The following NR1D2 variants were observed in gnomAD, a reference collection of about 807,000 sequenced individuals.
NR1D2 encodes the protein nuclear receptor subfamily 1 group D member 2, also known as V-erbA-related protein 1-related.
In NR1D2, 25 loss-of-function variants were observed where a neutral mutation model predicts 52.2. That is an observed-to-expected ratio of 0.48 (90% CI 0.35 to 0.67). The LOEUF (loss-of-function observed/expected upper bound fraction) is 0.67, where lower values mean the gene tolerates loss of function less well. Ranked by LOEUF, NR1D2 falls within the 30% of genes least tolerant of loss-of-function variation. NR1D2 has a pLI of 0.01. For missense variants in NR1D2, 681 were observed against 707.2 expected (o/e 0.96, Z 0.42); for synonymous variants, 259 against 230.1 (o/e 1.13, Z -1.14).
chr3:23,947,816 A>G (rs1195144129), intron 1 of NR1D2, among the ~76,000 whole-genome samples: 2 of 152,272 alleles, frequency 1.3e-5, no homozygotes, highest in Admixed American at 6.5e-5. Flanking sequence ...CAGGAGGTCT[A>G]ATAAGAATTG....
Position 23,977,381 on chromosome 3 carries a change from C to G in NR1D2, c.1702C>G (p.His568Asp). 1 of 1,610,326 alleles carries G rather than the reference C, an allele frequency of 6.2e-7. No individual in the cohort carries two copies. Among genetic ancestry groups the G allele is most frequent in the Non-Finnish European group, 8.5e-7 (1 of 1,178,596 alleles). The change falls in exon 8 of 8, where the codon CAC becomes GAC. Residue 568 changes from histidine to aspartate, a missense_variant. His to Asp is a moderately conservative substitution (Grantham distance 81, BLOSUM62 -1). Coordinates refer to ENST00000312521, the MANE Select transcript of NR1D2 (RefSeq NM_005126.5). ...AGATCTTCGATCTTTAAACAACATG[C>G]ACTCTGAGGAGCTCTTGGCCTTTAA... Reference protein sequence around the residue: ...LPDLRSLNNMHSEELLAFKVH... With the variant: ...LPDLRSLNNMDSEELLAFKVH...
At chr3:23,949,000 C>T (rs1414904169) in intron 1 of NR1D2, among the ~76,000 whole-genome samples, 1 of 152,180 alleles carries the variant, frequency 6.6e-6, no homozygotes, top group African/African-American at 2.4e-5. Context: ...TATTTCCAGA[C>T]ATTAGATTAC....
chr3:23,977,546 C>T lies in NR1D2; in HGVS notation c.*127C>T, dbSNP rs988573561. 1.8e-6 allele frequency: 1 copy of T among 570,304 alleles called. No individual in the cohort carries two copies. The highest frequency in any genetic ancestry group is 2.9e-6 in the Non-Finnish European group (1 of 348,094). 35.3% of individuals were successfully genotyped at this position (570,304 alleles called of 1,614,324 possible). A position where few individuals can be genotyped will look rare whatever the true frequency, so the allele number is the denominator to read the frequency against. On this transcript the variant is annotated 3_prime_UTR_variant, in exon 8 of 8. Coordinates refer to ENST00000312521, the MANE Select transcript of NR1D2 (RefSeq NM_005126.5). ...AAGACAATAAAAGATTGTAGGCTATCTCTGTAATCATGCAATAGCTGTTCG... is the reference window on the plus strand; with the variant it reads ...AAGACAATAAAAGATTGTAGGCTATTTCTGTAATCATGCAATAGCTGTTCG...
In NR1D2 at chr3:23,962,076, A is replaced by C; in HGVS notation, c.617A>C (p.His206Pro). The C allele has an allele frequency of 6.2e-7, 1 of 1,614,216 alleles. No homozygotes were observed. The change falls in exon 5 of 8, where the codon CAC becomes CCC. Residue 206 changes from histidine (H) to proline (P), a missense_variant. His to Pro is a moderately conservative substitution (Grantham distance 77). Coordinates refer to ENST00000312521, the MANE Select transcript of NR1D2 (RefSeq NM_005126.5). Reference sequence around the variant, plus strand: ...ATGATGAACAGCCAGTTCAGTGGTCACTTGCAAAATGACACATTAGTAGAA... The same window carrying C: ...ATGATGAACAGCCAGTTCAGTGGTCCCTTGCAAAATGACACATTAGTAGAA... ...KTMMNSQFSG[H>P]LQNDTLVEHH...
At chr3:23,961,777 T>C (rs1706253705) in intron 4 of NR1D2, among the ~76,000 whole-genome samples, 200 bp from the exon 5 acceptor site, 1 of 152,028 alleles carries the variant, frequency 6.6e-6, no homozygotes, top group East Asian at 1.9e-4. Context: ...GGGGGGAAAA[T>C]AGAAAATTTT....
intron 6 of NR1D2, 106 bp downstream of exon 6, chr3:23,965,268 C>CTCA: frequency 1.2e-6 from 1 of 806,658 alleles, no homozygotes; most frequent in Non-Finnish European, 1.8e-6. Flanking sequence ...GAGACAGAAT[C>CTCA]CTGCTCTGTC....
At chr3:23,962,683 A>G in intron 5 of NR1D2, 78 bp downstream of exon 5, 6 of 1,353,276 alleles carry the variant, frequency 4.4e-6, no homozygotes, top group Non-Finnish European at 5.1e-6. Flanking sequence ...GAGATATGCT[A>G]ACTTGGGGGG....
At position 23,980,594 on chromosome 3, in the gene NR1D2, G is replaced by C. The variant is rs1263257432; in HGVS notation, c.*3175G>C. The C allele has an allele frequency of 6.6e-6, 1 of 151,806 alleles. No homozygotes were observed. Among genetic ancestry groups the C allele is most frequent in the African/African-American group, 2.4e-5 (1 of 41,328 alleles). 9.4% of individuals were successfully genotyped at this position (151,806 alleles called of 1,614,324 possible). A position where few individuals can be genotyped will look rare whatever the true frequency, so the allele number is the denominator to read the frequency against. On this transcript the variant is annotated 3_prime_UTR_variant, in exon 8 of 8. Transcript: ENST00000312521. ...AGAAGTAATCTGTATGTGGGGGGAG[G>C]GGATAATAAATATTTCTAACCAACT...
intron 4 of NR1D2, among the ~76,000 whole-genome samples, chr3:23,961,391 T>TTTC (rs1486528610): frequency 2.3e-5 from 2 of 88,870 alleles, no homozygotes; most frequent in East Asian, 4.5e-4. Context: ...TTTTCTTTCT[T>TTTC]TTTTTTTTTT....
rs779091271 is a variant in NR1D2, at chr3:23,962,504, G to T, written c.1045G>T (p.Ala349Ser). 4.3e-6 allele frequency: 7 copies of T among 1,614,042 alleles called. No homozygotes were observed. Among genetic ancestry groups the T allele is most frequent in the Non-Finnish European group, 5.9e-6 (7 of 1,179,934 alleles). ...ANGHCMNFSN[A>S]YTQRVCDRVP... ...TGGACATTGTATGAACTTCTCCAAT[G>T]CTTATACTCAAAGAGTATGTGATAG... Residue 349 changes from alanine (A) to serine (S), a missense_variant, in exon 5 of 8, where the codon GCT becomes TCT. By Grantham distance (99) the Ala-to-Ser change is moderately conservative. Around this residue, in one of 3 missense-constraint regions of NR1D2, gnomAD observed 475 missense variants for 454.5 expected, o/e 1.05. Coordinates refer to ENST00000312521, the MANE Select transcript of NR1D2 (RefSeq NM_005126.5).
chr3:23,964,853 G>A, intron 5 of NR1D2, 124 bp from the exon 6 acceptor site: 1 of 651,178 alleles, frequency 1.5e-6, no homozygotes, highest in Non-Finnish European at 2.6e-6. Context: ...TAATATCTCA[G>A]TAGATTTTAC....
In NR1D2 at chr3:23,967,831, G is replaced by A. The variant is rs78292562; in HGVS notation, c.1351G>A (p.Ala451Thr). 4.0e-4 allele frequency: 640 copies of A among 1,613,302 alleles called. 4 individuals carry two copies. The East Asian group carries it at 0.012, about 30-fold the overall frequency. Reference sequence around the variant, plus strand: ...TTTCCAGGTTTTAATGGTACGGTTCGCATCATTATTTGATGCAAAGGAACG... The same window carrying A: ...TTTCCAGGTTTTAATGGTACGGTTCACATCATTATTTGATGCAAAGGAACG... ...GTFEVLMVRF[A>T]SLFDAKERTV... Residue 451 changes from alanine (A) to threonine (T), a missense_variant, in exon 7 of 8, where the codon GCA (alanine) becomes ACA (threonine). By Grantham distance (58) the Ala-to-Thr change is moderately conservative (BLOSUM62 0). This residue lies in a region of NR1D2 where 475 missense variants were observed against 454.5 expected (regional missense o/e 1.05). Coordinates refer to ENST00000312521, the MANE Select transcript of NR1D2 (RefSeq NM_005126.5).
chr3:23,956,843 C>T (rs1367003780), intron 3 of NR1D2, among the ~76,000 whole-genome samples: 1 of 152,094 alleles, frequency 6.6e-6, no homozygotes, highest in Admixed American at 6.5e-5. Flanking sequence ...GTGATGAAGA[C>T]ACATGTTCTT....
At position 23,975,934 on chromosome 3, in the gene NR1D2, C is replaced by T. The variant is rs373433180; in HGVS notation, c.1544-1289C>T. ...CCTCCTCAATATCCTTGTAAAAAAA[C>T]GAAAGGGCATGAATGGCCAGAAGTT... is the stretch of plus-strand genomic sequence containing the variant. On this transcript the variant is annotated intron_variant, in intron 7 of 7. Transcript: ENST00000312521. Among the ~76,000 whole-genome samples, 18 of 152,214 alleles carry T rather than the reference C, an allele frequency of 1.2e-4. No individual in the cohort carries two copies. The East Asian group carries it at 2.9e-3, about 24-fold the overall frequency.
At chr3:23,965,715 T>C (rs928239787) in intron 6 of NR1D2, among the ~76,000 whole-genome samples, 3 of 152,296 alleles carry the variant, frequency 2.0e-5, no homozygotes, top group South Asian at 2.1e-4. Context: ...ATTTGAAATA[T>C]AGGTATTCTG....
In NR1D2 at chr3:23,963,599, A is replaced by G. The variant is rs112074408; in HGVS notation, c.1146+994A>G. 3.4e-3 allele frequency: 543 copies of G among 157,444 alleles called. 14 individuals are homozygous for G. In the East Asian group the frequency reaches 0.051, roughly 15 times the overall value. The allele number at this position is 157,444 out of a possible 1,614,324, so 9.8% of individuals were successfully genotyped here. A position where few individuals can be genotyped will look rare whatever the true frequency, so the allele number is the denominator to read the frequency against. On this transcript the variant is annotated intron_variant, in intron 5 of 7. Transcript: ENST00000312521. ...CAAGTAGTTGGGATTACAGGCATGC[A>G]TCACCATGCCTGGCTAATTTTTGTA... is the stretch of plus-strand genomic sequence containing the variant.
intron 7 of NR1D2, among the ~76,000 whole-genome samples, chr3:23,976,681 C>T (rs570936968): frequency 6.6e-6 from 1 of 152,304 alleles, no homozygotes; most frequent in South Asian, 2.1e-4. Flanking sequence ...GTAAGCTAAT[C>T]TCAGAACGGA....
At chr3:23,966,678 T>A (rs545778356) in intron 6 of NR1D2, among the ~76,000 whole-genome samples, 1 of 152,244 alleles carries the variant, frequency 6.6e-6, no homozygotes, top group African/African-American at 2.4e-5. Context: ...GTGGCTAGAA[T>A]TTCTTTTGAT....
At chr3:23,947,082 C>T (rs1399085134) in intron 1 of NR1D2, among the ~76,000 whole-genome samples, 3 of 152,050 alleles carry the variant, frequency 2.0e-5, no homozygotes, top group Non-Finnish European at 4.4e-5. Flanking sequence ...GTTTTGATTA[C>T]CTAATCGGCC....
Sources: allele counts gnomAD v4.1 joint callset (sites outside exome capture counted in the v4.1 genomes callset), GRCh38; gene constraint gnomAD v4.1.1; regional missense constraint gnomAD v4.1.1; transcripts MANE v1.5; gene names NCBI Gene and HGNC (gene_info 2026-07-23, HGNC 2026-07-21).